The following TP53BP1 variants were observed in gnomAD, a reference collection of about 807,000 sequenced individuals.
TP53BP1 encodes the protein tumor protein p53 binding protein 1.
In TP53BP1, 61 loss-of-function variants were observed where a neutral mutation model predicts 200.8. That is an observed-to-expected ratio of 0.30 (90% CI 0.25 to 0.38). The LOEUF (loss-of-function observed/expected upper bound fraction) is 0.38, where lower values mean the gene tolerates loss of function less well. TP53BP1 is among the 10% of genes least tolerant of loss of function. TP53BP1 has a pLI of 1.00. For synonymous variants in TP53BP1, 822 were observed against 844.3 expected (o/e 0.97, Z 0.46); for missense variants, 2,144 against 2,371.9 (o/e 0.90, Z 2.00).
chr15:43,453,605 T>C (rs2046224235), intron 12 of TP53BP1, among the ~76,000 whole-genome samples: 1 of 149,316 alleles, frequency 6.7e-6, no homozygotes, highest in African/African-American at 2.5e-5. Context: ...TGAGGCGGAG[T>C]CTCATTCTGT....
At chr15:43,421,704 A>T in intron 19 of TP53BP1, 151 bp downstream of exon 19, 1 of 1,163,816 alleles carries the variant, frequency 8.6e-7, no homozygotes. Flanking sequence ...CAAACCCAAA[A>T]CAGGAAGAGA....
intron 25 of TP53BP1, 152 bp from the exon 26 acceptor site, chr15:43,409,248 C>A (rs896286704): frequency 3.0e-6 from 2 of 670,326 alleles, no homozygotes; most frequent in Admixed American, 2.6e-5. Context: ...CCACTCTTCT[C>A]ACTGGAAGGC....
intron 12 of TP53BP1, 98 bp downstream of exon 12, chr15:43,455,794 A>G (rs952943340): frequency 5.1e-6 from 7 of 1,376,500 alleles, no homozygotes; most frequent in Non-Finnish European, 6.9e-6. Context: ...TAAACCAAAG[A>G]TAGTGTTCAC....
In TP53BP1 at chr15:43,404,783, C is replaced by G; in HGVS notation, c.*2600G>C. On this transcript the variant is annotated 3_prime_UTR_variant, in exon 28 of 28. Transcript: ENST00000382044. Reference sequence around the variant, plus strand: ...CTGACAGTGAGATAGGTGTTAAGTCCTTTGCTAGGTTATGTATTGCTATGC... The same window carrying G: ...CTGACAGTGAGATAGGTGTTAAGTCGTTTGCTAGGTTATGTATTGCTATGC... 1 of 546,542 alleles carries G rather than the reference C, an allele frequency of 1.8e-6. No homozygotes were observed. The allele number at this position is 546,542 out of a possible 1,614,324, so 33.9% of individuals were successfully genotyped here.
At chr15:43,453,776 C>A (rs572922948) in intron 12 of TP53BP1, among the ~76,000 whole-genome samples, 9 of 151,978 alleles carry the variant, frequency 5.9e-5, no homozygotes, top group African/African-American at 2.2e-4. Context: ...AACTCCTGAT[C>A]TCAGGTGACC....
At chr15:43,465,899 C>T (rs1308911063) in intron 11 of TP53BP1, among the ~76,000 whole-genome samples, 2 of 152,152 alleles carry the variant, frequency 1.3e-5, no homozygotes, top group Admixed American at 1.3e-4. Context: ...AAGTGATCCT[C>T]CCACCTTAGC....
rs933292745 is a variant in TP53BP1, at chr15:43,403,580, G to A, written c.*3803C>T. The A allele has an allele frequency of 1.2e-5, 10 of 862,114 alleles. No individual in the cohort carries two copies. The highest frequency in any genetic ancestry group is 1.7e-5 in the Non-Finnish European group (9 of 535,592). The allele number at this position is 862,114 out of a possible 1,614,324, so 53.4% of individuals were successfully genotyped here. A position where few individuals can be genotyped will look rare whatever the true frequency, so the allele number is the denominator to read the frequency against. Reference sequence around the variant, plus strand: ...CTATCCTGTCAGATTTGGGAGGTCAGCTATTAATTAGATCAGCTATTAATC... The same window carrying A: ...CTATCCTGTCAGATTTGGGAGGTCAACTATTAATTAGATCAGCTATTAATC... On this transcript the variant is annotated 3_prime_UTR_variant, in exon 28 of 28. Coordinates refer to ENST00000382044, the MANE Select transcript of TP53BP1 (RefSeq NM_001141980.3).
At chr15:43,441,003 G>T (rs1417260016) in intron 15 of TP53BP1, among the ~76,000 whole-genome samples, 1 of 152,214 alleles carries the variant, frequency 6.6e-6, no homozygotes, top group Non-Finnish European at 1.5e-5. Flanking sequence ...ACAGCCACCA[G>T]ATGGCAAAGC....
intron 17 of TP53BP1, 67 bp from the exon 18 acceptor site, chr15:43,428,235 G>A: frequency 7.2e-7 from 1 of 1,386,874 alleles, no homozygotes; most frequent in Non-Finnish European, 1.0e-6. Context: ...CAAATCTTAT[G>A]CTTCATGATG....
At chr15:43,495,682 G>A (rs1463303446), upstream of TP53BP1, among the ~76,000 whole-genome samples, 12 of 146,734 alleles carry the variant, frequency 8.2e-5, no homozygotes, top group Admixed American at 2.7e-4. Context: ...CCGGGTGCGC[G>A]GGCAGGCGCC....
At chr15:43,447,145 T>C in intron 13 of TP53BP1, 1 of 539,800 alleles carries the variant, frequency 1.9e-6, no homozygotes, top group Non-Finnish European at 3.3e-6. Context: ...TTAAGTATTC[T>C]CTTTCTTTCT....
intron 16 of TP53BP1, among the ~76,000 whole-genome samples, chr15:43,434,920 A>G (rs2045756092): frequency 1.3e-5 from 2 of 152,144 alleles, no homozygotes; most frequent in African/African-American, 4.8e-5. Flanking sequence ...CAGCTATGCA[A>G]TTCTACTCTG....
Position 43,405,392 on chromosome 15 carries a change from C to T in TP53BP1, c.*1991G>A, listed in dbSNP as rs185998688. On this transcript the variant is annotated 3_prime_UTR_variant, in exon 28 of 28. Transcript: ENST00000382044. ...GGAGTACAACTCCTTCCCATCATTC[C>T]CATGTGGAAGGGTCTCTCCCATCAA... is the stretch of plus-strand genomic sequence containing the variant. The T allele has an allele frequency of 6.0e-5, 40 of 663,392 alleles. No individual in the cohort carries two copies. In the African/African-American group the frequency reaches 7.1e-4, roughly 12 times the overall value. 41.1% of individuals were successfully genotyped at this position (663,392 alleles called of 1,614,324 possible).
intron 12 of TP53BP1, among the ~76,000 whole-genome samples, chr15:43,455,627 C>G (rs1406721607): frequency 6.6e-6 from 1 of 151,010 alleles, no homozygotes; most frequent in Non-Finnish European, 1.5e-5. Context: ...GGCTGAGGCA[C>G]GAGAAATCAC....
At chr15:43,479,624 A>T in intron 6 of TP53BP1, 98 bp from the exon 7 acceptor site, 1 of 1,370,422 alleles carries the variant, frequency 7.3e-7, no homozygotes, top group South Asian at 1.5e-5. Context: ...TTTTAACAGA[A>T]GTCCAATTTA....
Position 43,492,112 on chromosome 15 carries a change from C to T in TP53BP1, c.193-17G>A. The T allele has an allele frequency of 1.3e-6, 2 of 1,582,464 alleles. No individual in the cohort carries two copies. The highest frequency in any genetic ancestry group is 1.7e-6 in the Non-Finnish European group (2 of 1,151,596). The stretch of plus-strand genomic sequence containing the variant: ...CACAACATCCTAGAAAATACACATA[C>T]AAAATATCCCCATTATATATGAAAT... On this transcript the variant is annotated splice_polypyrimidine_tract_variant and intron_variant, in intron 2 of 27. Transcript: ENST00000382044.
chr15:43,432,734 T>C, intron 16 of TP53BP1, 57 bp from the exon 17 acceptor site: 1 of 1,529,656 alleles, frequency 6.5e-7, no homozygotes, highest in Non-Finnish European at 8.8e-7. Context: ...TGTGTGAACG[T>C]GTGTGTGTGC....
intron 1 of TP53BP1, among the ~76,000 whole-genome samples, chr15:43,502,469 A>AT (rs915662721): frequency 4.3e-4 from 64 of 148,580 alleles, no homozygotes; most frequent in African/African-American, 1.3e-3. Context: ...TTTTTTTCTC[A>AT]TTTTTTTTTG....
chr15:43,432,881 AAAT>A (rs2045704521), intron 16 of TP53BP1, among the ~76,000 whole-genome samples: 1 of 152,074 alleles, frequency 6.6e-6, no homozygotes, highest in African/African-American at 2.4e-5. Context: ...CCTGTAAAAA[AAAT>A]AATGGTAGAT....
Sources: allele counts gnomAD v4.1 joint callset (sites outside exome capture counted in the v4.1 genomes callset), GRCh38; gene constraint gnomAD v4.1.1; transcripts MANE v1.5; gene names NCBI Gene and HGNC (gene_info 2026-07-23, HGNC 2026-07-21).